UBR4: variants seen among roughly 807,000 people sequenced by gnomAD.
UBR4 encodes E3 ubiquitin-protein ligase UBR4.
Under a neutral mutation model 575.6 loss-of-function variants are expected in UBR4, and 124 were observed. That is an observed-to-expected ratio of 0.22 (90% CI 0.19 to 0.25). The LOEUF is 0.25. Ranked by LOEUF, UBR4 falls within the 10% of genes least tolerant of loss-of-function variation. UBR4 has a pLI of 1.00. For missense variants in UBR4, 4,818 were observed against 6,478.8 expected, an observed-to-expected ratio of 0.74 and a Z score of 8.80; for synonymous variants, 2,455 against 2,473.7, an observed-to-expected ratio of 0.99 and a Z score of 0.22.
chr1:19,117,136 C>T lies in UBR4; in HGVS notation c.10823+85G>A, dbSNP rs2080637753. 9 of 1,500,744 alleles carry T rather than the reference C, an allele frequency of 6.0e-6. No homozygotes were observed. In the Admixed American group the frequency reaches 8.7e-5, roughly 14 times the overall value. 93.0% of individuals were successfully genotyped at this position (1,500,744 alleles called of 1,614,324 possible). A position where few individuals can be genotyped will look rare whatever the true frequency, so the allele number is the denominator to read the frequency against. ...TATTAGGCCTCTAGGGATGTGCTGC[C>T]TTACTCCATTCCAGGAACCGAAGGC... is the stretch of plus-strand genomic sequence containing the variant. On this transcript the variant is annotated intron_variant, in intron 73 of 105. Transcript: ENST00000375254. The surrounding 1 kb of genome is among the most constrained non-coding windows in gnomAD (Gnocchi z 4.0).
rs1332067333 is a variant in UBR4, at chr1:19,185,193, G to A, written c.1844C>T (p.Pro615Leu). 6.2e-7 allele frequency: 1 copy of A among 1,614,030 alleles called. No homozygotes were observed. The highest frequency in any genetic ancestry group is 8.5e-7 in the Non-Finnish European group (1 of 1,180,020). The part of the protein sequence containing the change: ...KAAPPPPPPP[P>L]PLESSPRVKS... ...AACCCGAGGAGAGCTTTCCAGTGGA[G>A]GAGGTGGGGGAGGAGGCGGAGGTGC... Residue 615 changes from proline to leucine, a missense_variant, in exon 15 of 106, where the codon CCT becomes CTT. Coordinates refer to ENST00000375254, the MANE Select transcript of UBR4 (RefSeq NM_020765.3).
At chr1:19,108,847 A>G (rs1182131889) in intron 81 of UBR4, among the ~76,000 whole-genome samples, 1 of 152,182 alleles carries the variant, frequency 6.6e-6, no homozygotes, top group African/African-American at 2.4e-5. Context: ...AGTTACACGG[A>G]GCAAATTGTG....
rs761587019 is a variant in UBR4 at position 19,121,980 on chromosome 1, G to A, written c.9849C>T (p.Ala3283=). 1.9e-5 allele frequency: 30 copies of A among 1,614,002 alleles called. No homozygotes were observed. Among genetic ancestry groups the A allele is most frequent in the East Asian group, 1.3e-4 (6 of 44,892 alleles). The change falls in exon 67 of 106, where the codon GCC becomes GCT. Residue 3283 remains alanine, a synonymous_variant. Coordinates refer to ENST00000375254, the MANE Select transcript of UBR4 (RefSeq NM_020765.3). The part of the protein sequence containing the change: ...MEHLKACAEI[A]AQRTINWQKF... ...TCTGCCAGTTGATGGTTCGCTGGGC[G>A]GCAATCTCTGCACAGGCTTTCAGGT...
intron 25 of UBR4, among the ~76,000 whole-genome samples, chr1:19,172,332 C>T (rs1336718673): frequency 6.6e-6 from 1 of 152,112 alleles, no homozygotes; most frequent in South Asian, 2.1e-4. Context: ...GCCTGGCCAA[C>T]ATGGCGAAAC....
Position 19,074,790 on chromosome 1 carries a change from C to A in UBR4, c.*42G>T. On this transcript the variant is annotated 3_prime_UTR_variant, in exon 106 of 106. Coordinates refer to ENST00000375254, the MANE Select transcript of UBR4 (RefSeq NM_020765.3). ...AGGAGGGAGAACAGAGGGTGGAAGGCAAGCCAGCTTCGTCTTCGCCGCCGC... is the reference window on the plus strand; with the variant it reads ...AGGAGGGAGAACAGAGGGTGGAAGGAAAGCCAGCTTCGTCTTCGCCGCCGC... 1 of 1,609,388 alleles carries A rather than the reference C, an allele frequency of 6.2e-7. No homozygotes were observed. The highest frequency in any genetic ancestry group is 2.2e-5 in the East Asian group (1 of 44,812).
Position 19,160,301 on chromosome 1 carries a change from T to C in UBR4, c.5407-20A>G. ...ATTGGCCTGAGAAAAATAGAAAAAATACACCAGTGAAAAAAAAAAAAAAGA... is the reference window on the plus strand; with the variant it reads ...ATTGGCCTGAGAAAAATAGAAAAAACACACCAGTGAAAAAAAAAAAAAAGA... On this transcript the variant is annotated intron_variant, in intron 38 of 105. Coordinates refer to ENST00000375254, the MANE Select transcript of UBR4 (RefSeq NM_020765.3). 2 of 1,424,816 alleles carry C rather than the reference T, an allele frequency of 1.4e-6. No individual in the cohort carries two copies. The highest frequency in any genetic ancestry group is 1.5e-5 in the South Asian group (1 of 64,610). 88.3% of individuals were successfully genotyped at this position (1,424,816 alleles called of 1,614,324 possible).
intron 17 of UBR4, 82 bp downstream of exon 17, chr1:19,183,725 AAAAC>A (rs1023232471): frequency 1.3e-4 from 186 of 1,419,042 alleles, no homozygotes; most frequent in Non-Finnish European, 1.6e-4. Context: ...CCATCTCAAA[AAAAC>A]AAACAAACAA....
intron 103 of UBR4, chr1:19,079,936 C>T (rs911982849): frequency 6.6e-6 from 1 of 152,230 alleles, no homozygotes; most frequent in South Asian, 2.1e-4. Context: ...AATGTAGTAG[C>T]TCACACTGGA....
In UBR4 at chr1:19,173,113, A is replaced by C. The variant is rs754812126; in HGVS notation, c.3292-20T>G. ...TGAGATCTTTAAAAATATGCAAAAT[A>C]TAATTAGCTGTGGCAATGGGCTATG... On this transcript the variant is annotated intron_variant, in intron 24 of 105. Coordinates refer to ENST00000375254, the MANE Select transcript of UBR4 (RefSeq NM_020765.3). 8 of 1,613,728 alleles carry C rather than the reference A, an allele frequency of 5.0e-6. No individual in the cohort carries two copies. The South Asian group carries it at 8.8e-5, about 18-fold the overall frequency.
chr1:19,161,935 C>T lies in UBR4; in HGVS notation c.4957-38G>A, dbSNP rs767946705. 2.5e-6 allele frequency: 4 copies of T among 1,610,456 alleles called. No individual in the cohort carries two copies. The Admixed American group carries it at 6.7e-5, about 27-fold the overall frequency. On this transcript the variant is annotated intron_variant, in intron 35 of 105. Transcript: ENST00000375254. ...TAAGTCTTTTTAATTCGAAATATAT[C>T]CCTGCATATAAACACCCACAAAAAC...
At chr1:19,209,567 A>G (rs912419698) in intron 1 of UBR4, among the ~76,000 whole-genome samples, 3 of 152,234 alleles carry the variant, frequency 2.0e-5, no homozygotes, top group African/African-American at 7.2e-5. Flanking sequence ...TACAGTAGGA[A>G]TGCACAAGGA....
intron 25 of UBR4, among the ~76,000 whole-genome samples, chr1:19,172,180 T>C (rs1414921711): frequency 2.0e-5 from 3 of 152,290 alleles, no homozygotes; most frequent in Middle Eastern, 3.4e-3. Context: ...CTAACTCATT[T>C]AGAGATTTTT....
chr1:19,184,975 A>G, intron 15 of UBR4, 124 bp downstream of exon 15: 5 of 1,221,472 alleles, frequency 4.1e-6, no homozygotes, highest in Non-Finnish European at 5.8e-6. Context: ...ATAAGTCCTA[A>G]GCAAAAATAT....
chr1:19,153,309 G>C lies in UBR4; in HGVS notation c.6824C>G (p.Ala2275Gly). The C allele has an allele frequency of 1.2e-6, 2 of 1,614,188 alleles. No homozygotes were observed. Among genetic ancestry groups the C allele is most frequent in the Non-Finnish European group, 1.7e-6 (2 of 1,180,024 alleles). ...CTGAGAAGGAGCCTTACTGATTGTA[G>C]CTGTTTTGCGCTTTCGAACAGGCTT... The part of the protein sequence containing the change: ...IMKPVRKRKT[A>G]TITTRTSSQV... The change falls in exon 46 of 106, where the codon GCT becomes GGT. Residue 2275 changes from alanine to glycine, a missense_variant. Physicochemically the swap from Ala to Gly is moderately conservative, Grantham distance 60. Transcript: ENST00000375254. This position sits in a 1 kb window ranked among gnomAD's most constrained non-coding sequence, Gnocchi z 4.1.
chr1:19,120,849 A>G (rs971831016), intron 68 of UBR4, among the ~76,000 whole-genome samples: 1 of 152,210 alleles, frequency 6.6e-6, no homozygotes, highest in Non-Finnish European at 1.5e-5. Context: ...ACATTTACTG[A>G]GCATTTACCA....
In UBR4 at chr1:19,106,578, C is replaced by G; in HGVS notation, c.12384G>C (p.Trp4128Cys). The G allele has an allele frequency of 6.4e-7, 1 of 1,566,698 alleles. No homozygotes were observed. The highest frequency in any genetic ancestry group is 8.6e-7 in the Non-Finnish European group (1 of 1,158,604). ...PLDLKLGHNN[W>C]LRQVLFTPAT... ...AGAAGTGGCCACTCACTTGTCGCAG[C>G]CAGTTGTTATGCCCCAGTTTGAGAT... Residue 4128 changes from tryptophan to cysteine, a missense_variant, in exon 83 of 106, where the codon TGG becomes TGC. Physicochemically the swap from Trp to Cys is radical, Grantham distance 215 (BLOSUM62 -2). This residue lies in a region of UBR4 where 178 missense variants were observed against 175.5 expected (regional missense o/e 1.01). Coordinates refer to ENST00000375254, the MANE Select transcript of UBR4 (RefSeq NM_020765.3).
Position 19,146,748 on chromosome 1 carries a change from G to A in UBR4, c.7804+78C>T, listed in dbSNP as rs564919618. 5.3e-6 allele frequency: 8 copies of A among 1,520,308 alleles called. No individual in the cohort carries two copies. In the African/African-American group the frequency reaches 6.9e-5, roughly 13 times the overall value. The allele number at this position is 1,520,308 out of a possible 1,614,324, so 94.2% of individuals were successfully genotyped here. On this transcript the variant is annotated intron_variant, in intron 52 of 105. Coordinates refer to ENST00000375254, the MANE Select transcript of UBR4 (RefSeq NM_020765.3). ...TGAGCATGCAGTCAGTCAGAGGCCA[G>A]TAAGAACAGTAAGAATGAGAGGGTA... is the stretch of plus-strand genomic sequence containing the variant.
intron 55 of UBR4, 33 bp from the exon 56 acceptor site, chr1:19,141,810 G>T: frequency 6.2e-7 from 1 of 1,609,552 alleles, no homozygotes. Context: ...ACCTGAAGGT[G>T]CTTGCTTTCC....
intron 66 of UBR4, 56 bp from the exon 67 acceptor site, chr1:19,122,068 G>C (rs966446886): frequency 3.1e-4 from 484 of 1,558,156 alleles, no homozygotes; most frequent in Non-Finnish European, 4.0e-4. Context: ...GCCCAGACAA[G>C]CACCACACCT....
Sources: gnomAD v4.1 joint callset for allele counts (sites outside exome capture counted in the v4.1 genomes callset) on GRCh38, gnomAD v4.1.1 for gene constraint, gnomAD v4.1.1 regional missense constraint, Gnocchi (gnomAD v3.1) non-coding constraint, MANE v1.5 for transcripts, NCBI Gene and HGNC (gene_info 2026-07-23, HGNC 2026-07-21) for gene names.